BRD9: variants seen among roughly 807,000 people sequenced by gnomAD.
The protein encoded by BRD9 is bromodomain containing 9.
A neutral mutation model predicts 68.7 loss-of-function variants in BRD9; 47 were observed. The ratio of observed to expected loss-of-function variants is 0.68; its 90% CI spans 0.54 to 0.87. The LOEUF (loss-of-function observed/expected upper bound fraction) is 0.87, where lower values mean the gene tolerates loss of function less well. Among genes scored for constraint, BRD9 ranks in the 40% least tolerant of loss-of-function variants. The pLI is 0.00. For missense variants in BRD9, 670 were observed against 748.4 expected (o/e 0.90, Z 1.22); for synonymous variants, 313 against 293.9 (o/e 1.06, Z -0.67).
Position 886,679 on chromosome 5 carries a change from G to GT in BRD9, c.745dup (p.Thr249AsnfsTer4), listed in dbSNP as rs754085294. On this transcript the variant is annotated frameshift_variant, in exon 7 of 16. Transcript: ENST00000467963. LOFTEE classifies it high-confidence loss of function. The stretch of plus-strand genomic sequence containing the variant: ...TTCAGGGACAGGTTCCTCAACAGCT[G>GT]TATCTTCATTGCCCAAAAGAGCTGC... 1.5e-5 allele frequency: 25 copies of GT among 1,614,052 alleles called. No homozygotes were observed. The highest frequency in any genetic ancestry group is 2.7e-5 in the African/African-American group (2 of 74,938).
intron 12 of BRD9, among the ~76,000 whole-genome samples, chr5:873,034 G>A (rs148226332): frequency 6.2e-4 from 95 of 152,210 alleles, no homozygotes; most frequent in African/African-American, 2.1e-3. Flanking sequence ...GTGTGGTGGC[G>A]CATGCCTGTA....
intron 7 of BRD9, 58 bp from the exon 8 acceptor site, chr5:884,128 C>A: frequency 6.3e-7 from 1 of 1,586,500 alleles, no homozygotes; most frequent in South Asian, 1.1e-5. Flanking sequence ...CACACCTGCT[C>A]CCCATGCGTC....
At chr5:889,956 C>A in intron 3 of BRD9, 1 of 371,360 alleles carries the variant, frequency 2.7e-6, no homozygotes, top group Non-Finnish European at 5.3e-6. Flanking sequence ...AAATGGACGA[C>A]GGAACAAACG....
rs904530000 is a variant in BRD9 at position 886,926 on chromosome 5, C to A, written c.718-219G>T. Reference sequence around the variant, plus strand: ...GAGGTGGTTGTGGGGGCTTGACCCACCGCCAGAGCGCGGCAGGTGCCGCAC... The same window carrying A: ...GAGGTGGTTGTGGGGGCTTGACCCAACGCCAGAGCGCGGCAGGTGCCGCAC... On this transcript the variant is annotated intron_variant, in intron 6 of 15. Transcript: ENST00000467963. 5 of 737,056 alleles carry A rather than the reference C, an allele frequency of 6.8e-6. No individual in the cohort carries two copies. The African/African-American group carries it at 8.9e-5, about 13-fold the overall frequency. The allele number at this position is 737,056 out of a possible 1,614,324, so 45.7% of individuals were successfully genotyped here. A position where few individuals can be genotyped will look rare whatever the true frequency, so the allele number is the denominator to read the frequency against.
chr5:881,201 T>A lies in BRD9; in HGVS notation c.967-19A>T. 1 of 1,612,430 alleles carries A rather than the reference T, an allele frequency of 6.2e-7. No individual in the cohort carries two copies. Among genetic ancestry groups the A allele is most frequent in the Non-Finnish European group, 8.5e-7 (1 of 1,179,014 alleles). ...AGCCCATCTGGAAGGAAGCACTGCCTGAGCGTCTGTCCCTCAGGAGGGGCA... is the reference window on the plus strand; with the variant it reads ...AGCCCATCTGGAAGGAAGCACTGCCAGAGCGTCTGTCCCTCAGGAGGGGCA... On this transcript the variant is annotated intron_variant, in intron 8 of 15. Coordinates refer to ENST00000467963, the MANE Select transcript of BRD9 (RefSeq NM_023924.5).
chr5:892,649 C>T lies in BRD9; in HGVS notation c.9G>A (p.Lys3=). Residue 3 remains lysine, a synonymous_variant, in exon 1 of 16, where the codon AAG becomes AAA. Transcript: ENST00000467963. ...ACTCGGCCTTGTGCTTCTTGTGCTT[C>T]TTGCCCATGGCGGCGCCGGCGGCGG... is the stretch of plus-strand genomic sequence containing the variant. MG[K]KHKKHKAEWR... is the part of the protein sequence containing the mutation. 2 of 1,455,954 alleles carry T rather than the reference C, an allele frequency of 1.4e-6. No individual in the cohort carries two copies. The highest frequency in any genetic ancestry group is 1.8e-6 in the Non-Finnish European group (2 of 1,102,662). 90.2% of individuals were successfully genotyped at this position (1,455,954 alleles called of 1,614,324 possible).
At chr5:886,374 C>T (rs1036136810) in intron 7 of BRD9, among the ~76,000 whole-genome samples, 4 of 152,262 alleles carry the variant, frequency 2.6e-5, no homozygotes, top group Admixed American at 6.5e-5. Context: ...GGTGATCGGA[C>T]GGGCTTGGGT....
rs1248773264 is a variant in BRD9 at position 887,401 on chromosome 5, G to A, written c.677C>T (p.Ala226Val). The A allele has an allele frequency of 6.2e-7, 1 of 1,613,910 alleles. No individual in the cohort carries two copies. Among genetic ancestry groups the A allele is most frequent in the South Asian group, 1.1e-5 (1 of 91,076 alleles). The change falls in exon 6 of 16, where the codon GCG becomes GTG. Residue 226 changes from alanine to valine, a missense_variant. Physicochemically the swap from Ala to Val is moderately conservative, Grantham distance 64. This residue lies in a region of BRD9 where 94 missense variants were observed against 157.2 expected (regional missense o/e 0.60). Transcript: ENST00000467963. Reference sequence around the variant, plus strand: ...AAAGCCTGCGTGAAGGATCTTCTTCGCCAACTTGTAGTACACGGTATCTGG... The same window carrying A: ...AAAGCCTGCGTGAAGGATCTTCTTCACCAACTTGTAGTACACGGTATCTGG... Reference protein sequence around the residue: ...NRPDTVYYKLAKKILHAGFKM... With the variant: ...NRPDTVYYKLVKKILHAGFKM...
intron 13 of BRD9, 131 bp from the exon 14 acceptor site, chr5:870,706 C>T (rs1224290620): frequency 1.6e-6 from 1 of 642,860 alleles, no homozygotes; most frequent in East Asian, 2.8e-5. Flanking sequence ...AGTGACAAGA[C>T]CAAGCCCTGT....
chr5:882,312 C>T (rs1332001221), intron 8 of BRD9: 1 of 158,800 alleles, frequency 6.3e-6, no homozygotes, highest in African/African-American at 2.4e-5. Flanking sequence ...CACAACTTCC[C>T]AACACATGAG....
intron 14 of BRD9, among the ~76,000 whole-genome samples, chr5:866,744 T>C (rs1441570896): frequency 6.6e-6 from 1 of 152,182 alleles, no homozygotes; most frequent in East Asian, 1.9e-4. Context: ...AAGAAATTTC[T>C]AAGCACTAAA....
intron 12 of BRD9, among the ~76,000 whole-genome samples, chr5:873,473 C>A (rs1231741598): frequency 6.6e-6 from 1 of 152,208 alleles, no homozygotes; most frequent in African/African-American, 2.4e-5. Flanking sequence ...TTTGAATCCA[C>A]CTATAACCTA....
chr5:889,056 C>A lies in BRD9; in HGVS notation c.571G>T (p.Val191Leu). Residue 191 changes from valine (V) to leucine (L), a missense_variant, in exon 5 of 16, where the codon GTA becomes TTA. This residue lies in a region of BRD9 where 94 missense variants were observed against 157.2 expected (regional missense o/e 0.60). Coordinates refer to ENST00000467963, the MANE Select transcript of BRD9 (RefSeq NM_023924.5). ...MDFGTMKDKIVANEYKSVTEF... is the reference protein window; with the variant it reads ...MDFGTMKDKILANEYKSVTEF... ...GTAACTGACTTGTATTCATTAGCTA[C>A]AATTTTGTCTTTCATGGTGCCAAAA... 1 of 1,609,908 alleles carries A rather than the reference C, an allele frequency of 6.2e-7. No homozygotes were observed. The highest frequency in any genetic ancestry group is 8.5e-7 in the Non-Finnish European group (1 of 1,179,022).
Position 883,927 on chromosome 5 carries a change from C to G in BRD9, c.966+11G>C. 1 of 1,609,696 alleles carries G rather than the reference C, an allele frequency of 6.2e-7. No homozygotes were observed. Among genetic ancestry groups the G allele is most frequent in the South Asian group, 1.1e-5 (1 of 91,038 alleles). On this transcript the variant is annotated intron_variant, in intron 8 of 15. Transcript: ENST00000467963. ...ACGTGGCACCCTCTCTCGGTGGCCA[C>G]AGAGCACTACCTTGCCGCCTGGGAG...
chr5:886,679 G>A lies in BRD9; in HGVS notation c.746C>T (p.Thr249Ile), dbSNP rs772512892. The A allele has an allele frequency of 2.5e-6, 4 of 1,614,052 alleles. No individual in the cohort carries two copies. Among genetic ancestry groups the A allele is most frequent in the African/African-American group, 1.3e-5 (1 of 74,938 alleles). ...TTCAGGGACAGGTTCCTCAACAGCT[G>A]TATCTTCATTGCCCAAAAGAGCTGC... ...KQAALLGNEDTAVEEPVPEVV... is the reference protein window; with the variant it reads ...KQAALLGNEDIAVEEPVPEVV... Residue 249 changes from threonine to isoleucine, a missense_variant, in exon 7 of 16, where the codon ACA (threonine) becomes ATA (isoleucine). Physicochemically the swap from Thr to Ile is moderately conservative, Grantham distance 89 (BLOSUM62 -1). Around this residue, in one of 5 missense-constraint regions of BRD9, gnomAD observed 135 missense variants for 141.2 expected, o/e 0.96. Coordinates refer to ENST00000467963, the MANE Select transcript of BRD9 (RefSeq NM_023924.5).
rs112771235 is a variant in BRD9 at position 870,339 on chromosome 5, G to T, written c.1525+134C>A. On this transcript the variant is annotated intron_variant, in intron 14 of 15. Transcript: ENST00000467963. Reference sequence around the variant, plus strand: ...CTATGGTCCAAAAACCTGGGACAAAGACCAAATACCGTAACAAAAGATTTT... The same window carrying T: ...CTATGGTCCAAAAACCTGGGACAAATACCAAATACCGTAACAAAAGATTTT... The T allele has an allele frequency of 5.9e-3, 4,026 of 687,902 alleles. 115 individuals carry two copies. The African/African-American group carries it at 0.064, about 11-fold the overall frequency. 42.6% of individuals were successfully genotyped at this position (687,902 alleles called of 1,614,324 possible). A position where few individuals can be genotyped will look rare whatever the true frequency, so the allele number is the denominator to read the frequency against.
At chr5:873,739 T>C (rs564855773) in intron 12 of BRD9, among the ~76,000 whole-genome samples, 2 of 152,292 alleles carry the variant, frequency 1.3e-5, no homozygotes, top group Admixed American at 6.5e-5. Context: ...GCACCAGGCA[T>C]GTGGACCCCA....
intron 6 of BRD9, 58 bp from the exon 7 acceptor site, chr5:886,765 C>T (rs1752631466): frequency 1.9e-6 from 3 of 1,611,544 alleles, no homozygotes; most frequent in Non-Finnish European, 2.5e-6. Context: ...CTAACAGCCG[C>T]TCCTAGAATC....
intron 14 of BRD9, chr5:866,144 G>C (rs538757964): frequency 6.6e-6 from 1 of 152,432 alleles, no homozygotes; most frequent in East Asian, 1.9e-4. Context: ...CCAGCCAGGG[G>C]ACCAGCTTCA....
Sources: gnomAD v4.1 joint callset for allele counts (sites outside exome capture counted in the v4.1 genomes callset) on GRCh38, gnomAD v4.1.1 for gene constraint, gnomAD v4.1.1 regional missense constraint, MANE v1.5 for transcripts, NCBI Gene and HGNC (gene_info 2026-07-23, HGNC 2026-07-21) for gene names.